LRPPRC: variants seen among roughly 807,000 people sequenced by gnomAD.
LRPPRC encodes leucine-rich PPR motif-containing protein, mitochondrial.
LRPPRC carries 120 observed loss-of-function variants against 180.3 expected under a neutral mutation model. The observed-to-expected ratio is 0.67, with a 90% CI of 0.57 to 0.77. The LOEUF is 0.77. Ranked by LOEUF, LRPPRC falls within the 30% of genes least tolerant of loss-of-function variation. The probability of loss-of-function intolerance (pLI) is 0.00; values close to 1 mark genes in which losing one functional copy is unlikely to be tolerated. For synonymous variants in LRPPRC, 723 were observed against 600.0 expected, an observed-to-expected ratio of 1.21 and a Z score of -3.00; for missense variants, 2,012 against 1,657.2, an observed-to-expected ratio of 1.21 and a Z score of -3.72.
chr2:43,931,053 A>G (rs1363092214), intron 25 of LRPPRC, among the ~76,000 whole-genome samples: 4 of 152,148 alleles, frequency 2.6e-5, no homozygotes, highest in Non-Finnish European at 5.9e-5. Context: ...TTATATATAC[A>G]AGCAAAAAAG....
chr2:43,950,760 C>T (rs1247366148), intron 14 of LRPPRC, among the ~76,000 whole-genome samples, 160 bp from the exon 15 acceptor site: 2 of 146,704 alleles, frequency 1.4e-5, no homozygotes, highest in Non-Finnish European at 3.1e-5. Context: ...GAAAGGCTGA[C>T]ACTCACCCAC....
chr2:43,967,418 T>C (rs1673609738), intron 11 of LRPPRC, among the ~76,000 whole-genome samples: 1 of 152,130 alleles, frequency 6.6e-6, no homozygotes. Flanking sequence ...GATATAGATT[T>C]AGCTACACAA....
At chr2:43,932,954 G>A (rs1238327888) in intron 25 of LRPPRC, among the ~76,000 whole-genome samples, 1 of 152,098 alleles carries the variant, frequency 6.6e-6, no homozygotes. Context: ...TCTGATCAGT[G>A]ACCTGCTAAT....
At chr2:43,930,795 C>T (rs545547541) in intron 25 of LRPPRC, among the ~76,000 whole-genome samples, 7 of 152,074 alleles carry the variant, frequency 4.6e-5, no homozygotes, top group Non-Finnish European at 8.8e-5. Context: ...GGTAGCAGAG[C>T]CAGAACTAAA....
intron 11 of LRPPRC, among the ~76,000 whole-genome samples, chr2:43,972,914 G>T (rs1038918681): frequency 3.9e-5 from 6 of 152,084 alleles, no homozygotes; most frequent in African/African-American, 7.2e-5. Flanking sequence ...TCTGTTAAAA[G>T]CATCTTTTTA....
At chr2:43,991,701 T>C (rs914918375) in intron 1 of LRPPRC, among the ~76,000 whole-genome samples, 1 of 152,128 alleles carries the variant, frequency 6.6e-6, no homozygotes, top group African/African-American at 2.4e-5. Flanking sequence ...TGTACTGAGA[T>C]GGGAAAATGA....
At chr2:43,896,776 C>T (rs1670702129) in intron 34 of LRPPRC, 68 bp from the exon 35 acceptor site, 1 of 932,606 alleles carries the variant, frequency 1.1e-6, no homozygotes, top group Non-Finnish European at 1.8e-6. Context: ...CTGAATATTT[C>T]CAATTAAGAA....
intron 29 of LRPPRC, among the ~76,000 whole-genome samples, chr2:43,913,142 T>C (rs1288992054): frequency 6.6e-6 from 1 of 152,196 alleles, no homozygotes; most frequent in African/African-American, 2.4e-5. Flanking sequence ...TATACAGATA[T>C]CTAACAAGTA....
At chr2:43,919,044 G>A (rs747636373) in intron 27 of LRPPRC, among the ~76,000 whole-genome samples, 27 of 152,094 alleles carry the variant, frequency 1.8e-4, no homozygotes, top group Non-Finnish European at 3.7e-4. Flanking sequence ...ACAGCAGAAT[G>A]TGTACGGTGG....
rs1160721405 is a variant in LRPPRC, at chr2:43,950,465, T to C, written c.1677+108A>G. 7 of 1,003,184 alleles carry C rather than the reference T, an allele frequency of 7.0e-6. No homozygotes were observed. The East Asian group carries it at 1.2e-4, about 17-fold the overall frequency. 62.1% of individuals were successfully genotyped at this position (1,003,184 alleles called of 1,614,324 possible). Reference sequence around the variant, plus strand: ...AACATTAACTCTGCCAGCAAAATTTTAGTAGAAAACCAAATATAGGTTTCA... The same window carrying C: ...AACATTAACTCTGCCAGCAAAATTTCAGTAGAAAACCAAATATAGGTTTCA... On this transcript the variant is annotated intron_variant, in intron 15 of 37. Transcript: ENST00000260665.
At chr2:43,982,215 A>T in intron 2 of LRPPRC, 23 bp downstream of exon 2, 1 of 1,531,576 alleles carries the variant, frequency 6.5e-7, no homozygotes, top group Non-Finnish European at 8.8e-7. Flanking sequence ...AGTCAACTTT[A>T]TGAACAGGAA....
At chr2:43,903,485 A>G (rs1670959088) in intron 31 of LRPPRC, 1 of 150,330 alleles carries the variant, frequency 6.7e-6, no homozygotes, top group Non-Finnish European at 1.5e-5. Context: ...GAGCAAAATA[A>G]GAAGATGGGA....
In LRPPRC at chr2:43,918,075, G is replaced by C. The variant is rs762199903; in HGVS notation, c.3098C>G (p.Pro1033Arg). The C allele has an allele frequency of 4.3e-6, 7 of 1,612,154 alleles. No homozygotes were observed. In the Admixed American group the frequency reaches 6.7e-5, roughly 15 times the overall value. The change falls in exon 29 of 38, where the codon CCT becomes CGT. Residue 1033 changes from proline (P) to arginine (R), a missense_variant. Coordinates refer to ENST00000260665, the MANE Select transcript of LRPPRC (RefSeq NM_133259.4). The stretch of plus-strand genomic sequence containing the variant: ...AATCAATATATCTTTCTGGAAATCA[G>C]GTTCTGTGGTTGAGGCTGACGAAGA... ...LNSSSASTTE[P>R]DFQKDILIAC... is the part of the protein sequence containing the mutation.
intron 30 of LRPPRC, 127 bp downstream of exon 30, chr2:43,912,305 A>G (rs1169412419): frequency 1.2e-6 from 1 of 807,886 alleles, no homozygotes; most frequent in Admixed American, 2.3e-5. Flanking sequence ...ATTTCATATG[A>G]TTTTTATGGG....
At chr2:43,917,986 C>T in intron 29 of LRPPRC, 39 bp downstream of exon 29, 1 of 1,423,482 alleles carries the variant, frequency 7.0e-7, no homozygotes, top group Non-Finnish European at 9.9e-7. Context: ...GAAAGAAGAC[C>T]ACCCCCCCAC....
chr2:43,995,973 G>C lies in LRPPRC; in HGVS notation c.-26C>G. The C allele has an allele frequency of 6.6e-7, 1 of 1,523,748 alleles. No homozygotes were observed. Among genetic ancestry groups the C allele is most frequent in the Non-Finnish European group, 8.8e-7 (1 of 1,142,164 alleles). The allele number at this position is 1,523,748 out of a possible 1,614,324, so 94.4% of individuals were successfully genotyped here. A position where few individuals can be genotyped will look rare whatever the true frequency, so the allele number is the denominator to read the frequency against. ...TGCTCGAACGTCCCCGCAGCGGGAA[G>C]CACGCTCCGCCAGAAGGACAGGAGG... On this transcript the variant is annotated 5_prime_UTR_variant, in exon 1 of 38. Coordinates refer to ENST00000260665, the MANE Select transcript of LRPPRC (RefSeq NM_133259.4).
intron 1 of LRPPRC, among the ~76,000 whole-genome samples, chr2:43,991,409 A>T (rs1269417116): frequency 1.3e-5 from 2 of 152,212 alleles, no homozygotes; most frequent in Non-Finnish European, 2.9e-5. Context: ...CCAACTTTAG[A>T]AATAAAAATC....
chr2:43,974,390 CA>C (rs1358825729), intron 8 of LRPPRC, 95 bp from the exon 9 acceptor site: 1 of 974,042 alleles, frequency 1.0e-6, no homozygotes, highest in Non-Finnish European at 1.6e-6. Flanking sequence ...ATAAGAATTG[CA>C]AACATCAAAA....
intron 25 of LRPPRC, among the ~76,000 whole-genome samples, chr2:43,929,589 A>T (rs577820350): frequency 1.3e-5 from 2 of 152,280 alleles, no homozygotes; most frequent in African/African-American, 4.8e-5. Context: ...AAACTTTTCC[A>T]GTATATTTAC....
Sources: gnomAD v4.1 joint callset for allele counts (sites outside exome capture counted in the v4.1 genomes callset) on GRCh38, gnomAD v4.1.1 for gene constraint, MANE v1.5 for transcripts, NCBI Gene and HGNC (gene_info 2026-07-23, HGNC 2026-07-21) for gene names.